The following STK3 variants were observed in gnomAD, a reference collection of about 807,000 sequenced individuals.
The protein encoded by STK3 is serine/threonine-protein kinase 3.
Under a neutral mutation model 58.0 loss-of-function variants are expected in STK3, and 41 were observed. The observed-to-expected ratio is 0.71, with a 90% confidence interval of 0.55 to 0.92. STK3 has a LOEUF of 0.92. STK3 is among the 40% of genes least tolerant of loss of function. STK3 has a pLI of 0.00. For missense variants in STK3, 479 were observed against 602.7 expected (o/e 0.79, Z 2.15); for synonymous variants, 170 against 191.0 (o/e 0.89, Z 0.91).
intron 3 of STK3, among the ~76,000 whole-genome samples, chr8:98,752,130 G>A (rs546103720): frequency 2.3e-4 from 35 of 152,022 alleles, no homozygotes; most frequent in Non-Finnish European, 4.0e-4. Context: ...AAAAGAGCCC[G>A]AATAGCCAAG....
chr8:98,471,368 T>A (rs531474754), intron 10 of STK3, among the ~76,000 whole-genome samples: 1 of 151,062 alleles, frequency 6.6e-6, no homozygotes, highest in Non-Finnish European at 1.5e-5. Flanking sequence ...TTTTTTTTTT[T>A]TTTTTAATGC....
chr8:98,636,603 T>A (rs1321709566), intron 6 of STK3, among the ~76,000 whole-genome samples: 1 of 152,128 alleles, frequency 6.6e-6, no homozygotes, highest in Non-Finnish European at 1.5e-5. Flanking sequence ...TCCAAGATTA[T>A]AATAGGAAGA....
chr8:98,547,414 T>C (rs1168620605), intron 9 of STK3, among the ~76,000 whole-genome samples: 1 of 152,212 alleles, frequency 6.6e-6, no homozygotes, highest in Non-Finnish European at 1.5e-5. Flanking sequence ...TTGATCATCA[T>C]TTTAGCCACT....
At chr8:98,883,945 G>C (rs566187890) in intron 1 of STK3, 9 of 505,314 alleles carry the variant, frequency 1.8e-5, no homozygotes, top group African/African-American at 1.7e-4. Flanking sequence ...AACAGGGAGG[G>C]GAGAGCAAAG....
chr8:98,785,366 G>A (rs191105710), intron 1 of STK3, among the ~76,000 whole-genome samples: 1 of 152,306 alleles, frequency 6.6e-6, no homozygotes, highest in African/African-American at 2.4e-5. Context: ...AGGATTAGGA[G>A]TTTAAGCTGC....
At chr8:98,468,204 A>T (rs1371583217) in intron 10 of STK3, among the ~76,000 whole-genome samples, 2 of 152,242 alleles carry the variant, frequency 1.3e-5, no homozygotes, top group East Asian at 3.8e-4. Context: ...AATGTTTCTA[A>T]AACACTTCAA....
chr8:98,696,767 T>A (rs1179034305), intron 6 of STK3, among the ~76,000 whole-genome samples: 3 of 152,172 alleles, frequency 2.0e-5, no homozygotes, highest in Admixed American at 2.0e-4. Context: ...GCCAGTATTT[T>A]ATTGAGGATT....
intron 1 of STK3, among the ~76,000 whole-genome samples, chr8:98,886,702 A>C (rs1441547078): frequency 1.3e-5 from 2 of 152,214 alleles, no homozygotes; most frequent in African/African-American, 4.8e-5. Flanking sequence ...TATCCATAGG[A>C]GATTGGTTCC....
At chr8:98,769,578 T>A (rs1831167854) in intron 2 of STK3, among the ~76,000 whole-genome samples, 1 of 152,180 alleles carries the variant, frequency 6.6e-6, no homozygotes, top group Non-Finnish European at 1.5e-5. Context: ...TTACCAACAG[T>A]GTGAAAACAG....
chr8:98,741,250 A>G lies in STK3; in HGVS notation c.351+8026T>C, dbSNP rs1416392514. Among the ~76,000 whole-genome samples the G allele has an allele frequency of 3.3e-5, 5 of 152,372 alleles. No homozygotes were observed. In the East Asian group the frequency reaches 7.7e-4, roughly 23 times the overall value. On this transcript the variant is annotated intron_variant, in intron 4 of 10. Coordinates refer to ENST00000419617, the MANE Select transcript of STK3 (RefSeq NM_006281.4). ...CAGCTGTGTACCAAGTGGACCTAATAGACATCTACAGAACTCTCCACCCCA... is the reference window on the plus strand; with the variant it reads ...CAGCTGTGTACCAAGTGGACCTAATGGACATCTACAGAACTCTCCACCCCA...
intron 3 of STK3, among the ~76,000 whole-genome samples, chr8:98,865,815 T>G (rs1837116893): frequency 6.6e-6 from 1 of 152,238 alleles, no homozygotes; most frequent in Non-Finnish European, 1.5e-5. Context: ...CAGTGGAGTA[T>G]CAAAGCCCCG....
intron 10 of STK3, among the ~76,000 whole-genome samples, chr8:98,523,944 AG>A (rs764651350): frequency 6.6e-6 from 1 of 152,254 alleles, no homozygotes; most frequent in East Asian, 1.9e-4. Flanking sequence ...AATGTCACGA[AG>A]TTTTTCTCAT....
chr8:98,643,767 C>A (rs565268028), intron 6 of STK3, among the ~76,000 whole-genome samples: 3 of 152,212 alleles, frequency 2.0e-5, no homozygotes, highest in South Asian at 4.2e-4. Context: ...TCTCAGCACT[C>A]TGGGAGGCCA....
At chr8:98,697,111 T>A (rs1300879723) in intron 6 of STK3, among the ~76,000 whole-genome samples, 1 of 152,256 alleles carries the variant, frequency 6.6e-6, no homozygotes, top group Non-Finnish European at 1.5e-5. Context: ...GAGGAATTTA[T>A]CCATTTCTTC....
At chr8:98,501,187 T>C (rs1004137742) in intron 10 of STK3, among the ~76,000 whole-genome samples, 12 of 152,358 alleles carry the variant, frequency 7.9e-5, no homozygotes, top group South Asian at 6.2e-4. Context: ...TTCATGTGTC[T>C]GCTGGCTGCA....
intron 3 of STK3, among the ~76,000 whole-genome samples, chr8:98,754,854 A>G (rs1355749267): frequency 1.3e-5 from 2 of 152,184 alleles, no homozygotes; most frequent in Non-Finnish European, 2.9e-5. Context: ...AAAATTTTGA[A>G]AAGTGTTAAG....
At chr8:98,863,110 G>T (rs968468220) in intron 3 of STK3, among the ~76,000 whole-genome samples, 10 of 152,122 alleles carry the variant, frequency 6.6e-5, no homozygotes, top group African/African-American at 2.2e-4. Flanking sequence ...GGAGGATATG[G>T]TTCCTTTTTT....
intron 3 of STK3, among the ~76,000 whole-genome samples, chr8:98,423,440 C>G (rs1818194808): frequency 6.6e-6 from 1 of 152,160 alleles, no homozygotes; most frequent in South Asian, 2.1e-4. Context: ...GAGCAGTGAG[C>G]CGAAGTTTGG....
At chr8:98,648,890 CAAA>C (rs1190143845) in intron 6 of STK3, among the ~76,000 whole-genome samples, 2 of 122,920 alleles carry the variant, frequency 1.6e-5, no homozygotes, top group Middle Eastern at 4.1e-3. Context: ...GACTCCGTCT[CAAA>C]AAAAAAAAAA....
Sources: allele counts gnomAD v4.1 joint callset (sites outside exome capture counted in the v4.1 genomes callset), GRCh38; gene constraint gnomAD v4.1.1; transcripts MANE v1.5; gene names NCBI Gene and HGNC (gene_info 2026-07-23, HGNC 2026-07-21).